Variants in SLC38A8 observed in about 807,000 individuals in gnomAD.
SLC38A8 encodes the protein solute carrier family 38 member 8, also known as amino acid transporter SLC38A8.
In SLC38A8, 65 loss-of-function variants were observed where a neutral mutation model predicts 46.0. The ratio of observed to expected loss-of-function variants is 1.41; its 90% CI spans 1.16 to 1.74. The LOEUF (loss-of-function observed/expected upper bound fraction) is 1.74. Ranked by LOEUF, SLC38A8 falls within the 40% of genes most tolerant of loss-of-function variation. The probability of loss-of-function intolerance (pLI) is 0.00; values close to 1 mark genes in which losing one functional copy is unlikely to be tolerated. For missense variants in SLC38A8, 998 were observed against 567.9 expected (o/e 1.76, Z -7.70); for synonymous variants, 447 against 243.7 (o/e 1.83, Z -7.77).
At position 84,042,748 on chromosome 16, in the gene SLC38A8, T is replaced by C. The variant is rs1264751246; in HGVS notation, c.-200A>G. On this transcript the variant is annotated 5_prime_UTR_variant, in exon 1 of 11. Transcript: ENST00000299709. ...TGTCAGGGTCAGGCCCCTCCACACCTAAGAGGACAGCAACAAGTGGTCAGG... is the reference window on the plus strand; with the variant it reads ...TGTCAGGGTCAGGCCCCTCCACACCCAAGAGGACAGCAACAAGTGGTCAGG... The C allele has an allele frequency of 6.6e-6, 1 of 152,588 alleles. No individual in the cohort carries two copies. Among genetic ancestry groups the C allele is most frequent in the East Asian group, 1.9e-4 (1 of 5,186 alleles). 9.5% of individuals were successfully genotyped at this position (152,588 alleles called of 1,614,324 possible). A position where few individuals can be genotyped will look rare whatever the true frequency, so the allele number is the denominator to read the frequency against.
intron 7 of SLC38A8, among the ~76,000 whole-genome samples, chr16:84,018,664 G>A (rs1045281058): frequency 6.6e-6 from 1 of 152,242 alleles, no homozygotes; most frequent in African/African-American, 2.4e-5. Flanking sequence ...ATCAACACCA[G>A]ACAATCACAT....
chr16:84,022,808 A>T lies in SLC38A8; in HGVS notation c.772T>A (p.Leu258Met). The T allele has an allele frequency of 1.9e-6, 3 of 1,614,104 alleles. No individual in the cohort carries two copies. The highest frequency in any genetic ancestry group is 2.5e-6 in the Non-Finnish European group (3 of 1,179,982). Residue 258 changes from leucine to methionine, a missense_variant, in exon 7 of 11, where the codon TTG (leucine) becomes ATG (methionine). Physicochemically the swap from Leu to Met is conservative, Grantham distance 15. Coordinates refer to ENST00000299709, the MANE Select transcript of SLC38A8 (RefSeq NM_001080442.3). ...SHWALVSVLS[L>M]LACCLIYSLT... is the part of the protein sequence containing the mutation. ...GAATAGATGAGGCAGCAGGCCAGCA[A>T]GGACAGCACAGACACCAGGGCCCAG...
chr16:84,042,073 C>A lies in SLC38A8; in HGVS notation c.85G>T (p.Ala29Ser). The A allele has an allele frequency of 1.2e-6, 2 of 1,614,012 alleles. No homozygotes were observed. Among genetic ancestry groups the A allele is most frequent in the Middle Eastern group, 1.7e-4 (1 of 6,060 alleles). ...TAAATLSSMGAVFILMKSALG... is the reference protein window; with the variant it reads ...TAAATLSSMGSVFILMKSALG... ...GCGGACTTCATGAGGATGAAGACAGCGCCCATCGAGGACAGAGTGGCAGCA... is the reference window on the plus strand; with the variant it reads ...GCGGACTTCATGAGGATGAAGACAGAGCCCATCGAGGACAGAGTGGCAGCA... Residue 29 changes from alanine (A) to serine (S), a missense_variant, in exon 2 of 11, where the codon GCT becomes TCT. Physicochemically the swap from Ala to Ser is moderately conservative, Grantham distance 99 (BLOSUM62 1). Coordinates refer to ENST00000299709, the MANE Select transcript of SLC38A8 (RefSeq NM_001080442.3).
intron 9 of SLC38A8, among the ~76,000 whole-genome samples, chr16:84,014,137 C>G (rs534725808): frequency 7.9e-5 from 12 of 151,340 alleles, no homozygotes; most frequent in South Asian, 4.2e-4. Flanking sequence ...CCTCTCAGAG[C>G]CTGAGGGAGG....
intron 3 of SLC38A8, among the ~76,000 whole-genome samples, chr16:84,035,825 T>C (rs1480380382): frequency 2.0e-5 from 3 of 152,254 alleles, no homozygotes; most frequent in Admixed American, 1.3e-4. Context: ...TAATCTGCAA[T>C]CGCAGCTGGC....
intron 3 of SLC38A8, among the ~76,000 whole-genome samples, chr16:84,034,453 C>A (rs537145818): frequency 2.0e-5 from 3 of 152,068 alleles, no homozygotes; most frequent in African/African-American, 7.2e-5. Context: ...AAAGCACAGG[C>A]GAGTGGGAGG....
chr16:84,031,323 G>A (rs891752285), intron 5 of SLC38A8, among the ~76,000 whole-genome samples: 2 of 152,152 alleles, frequency 1.3e-5, no homozygotes, highest in African/African-American at 4.8e-5. Flanking sequence ...TCACAACTAT[G>A]AGCCACCACA....
At chr16:84,042,196 T>A in intron 1 of SLC38A8, 37 bp from the exon 2 acceptor site, 2 of 1,561,668 alleles carry the variant, frequency 1.3e-6, no homozygotes, top group Non-Finnish European at 1.7e-6. Context: ...AAGCACAGTC[T>A]TCACGCTTTC....
intron 6 of SLC38A8, among the ~76,000 whole-genome samples, chr16:84,026,858 G>C (rs748764689): frequency 6.6e-6 from 1 of 152,180 alleles, no homozygotes. Context: ...CAGACAAGAA[G>C]TGCAAGAGCT....
chr16:84,013,944 C>T (rs1597248771), intron 9 of SLC38A8, among the ~76,000 whole-genome samples: 2 of 152,206 alleles, frequency 1.3e-5, no homozygotes, highest in South Asian at 2.1e-4. Flanking sequence ...CACGTGGCCA[C>T]AGCCTCACCT....
chr16:84,012,503 C>T (rs1307698180), intron 10 of SLC38A8, among the ~76,000 whole-genome samples: 2 of 152,282 alleles, frequency 1.3e-5, no homozygotes, highest in African/African-American at 2.4e-5. Context: ...CACTAGCATC[C>T]GGGCCCGCCT....
At chr16:84,037,683 C>T (rs1358585221) in intron 2 of SLC38A8, among the ~76,000 whole-genome samples, 2 of 151,678 alleles carry the variant, frequency 1.3e-5, no homozygotes, top group Admixed American at 6.6e-5. Context: ...ATCTCTTGAA[C>T]CTGGGAGGCG....
intron 2 of SLC38A8, among the ~76,000 whole-genome samples, chr16:84,038,118 C>G (rs557144105): frequency 2.6e-5 from 4 of 152,224 alleles, no homozygotes; most frequent in Admixed American, 1.3e-4. Context: ...TGAGACCAGC[C>G]TGGCCAACAT....
At chr16:84,037,114 T>G (rs1275058785) in intron 2 of SLC38A8, among the ~76,000 whole-genome samples, 1 of 152,156 alleles carries the variant, frequency 6.6e-6, no homozygotes, top group Non-Finnish European at 1.5e-5. Flanking sequence ...GCAGGCTGAT[T>G]CTGGCAGGCT....
chr16:84,021,900 G>T (rs2085100487), intron 7 of SLC38A8, among the ~76,000 whole-genome samples: 1 of 152,240 alleles, frequency 6.6e-6, no homozygotes, highest in Non-Finnish European at 1.5e-5. Flanking sequence ...CGCGCAGAGT[G>T]TCACATGGCA....
rs962220021 is a variant in SLC38A8 at position 84,017,556 on chromosome 16, G to C, written c.806-269C>G. Among the ~76,000 whole-genome samples, 4 of 152,158 alleles carry C rather than the reference G, an allele frequency of 2.6e-5. No individual in the cohort carries two copies. In the South Asian group the frequency reaches 6.2e-4, roughly 24 times the overall value. ...GGTGCACGGAGCTCACCCACAGTGCGTGTGTTGACTAGAAGCACAGAGCAC... is the reference window on the plus strand; with the variant it reads ...GGTGCACGGAGCTCACCCACAGTGCCTGTGTTGACTAGAAGCACAGAGCAC... On this transcript the variant is annotated intron_variant, in intron 7 of 10. Coordinates refer to ENST00000299709, the MANE Select transcript of SLC38A8 (RefSeq NM_001080442.3).
At chr16:84,041,889 G>T in intron 2 of SLC38A8, 80 bp downstream of exon 2, 1 of 1,309,908 alleles carries the variant, frequency 7.6e-7, no homozygotes, top group Non-Finnish European at 1.1e-6. Context: ...CAACTCCGCA[G>T]AAGCAATGCG....
intron 7 of SLC38A8, among the ~76,000 whole-genome samples, chr16:84,019,144 G>C (rs1326939797): frequency 6.6e-6 from 1 of 151,458 alleles, no homozygotes; most frequent in Non-Finnish European, 1.5e-5. Flanking sequence ...GCACAATCTC[G>C]ACTCACTGCA....
At chr16:84,011,142 A>G (rs1176557704) in intron 10 of SLC38A8, among the ~76,000 whole-genome samples, 1 of 152,216 alleles carries the variant, frequency 6.6e-6, no homozygotes, top group Admixed American at 6.5e-5. Context: ...ATAAACATCC[A>G]TTCATCTGTG....
Sources: allele counts gnomAD v4.1 joint callset (sites outside exome capture counted in the v4.1 genomes callset), GRCh38; gene constraint gnomAD v4.1.1; transcripts MANE v1.5; gene names NCBI Gene and HGNC (gene_info 2026-07-23, HGNC 2026-07-21).